The following XPA variants were observed in gnomAD, a reference collection of about 807,000 sequenced individuals.
XPA encodes DNA repair protein complementing XP-A cells.
In XPA, 27 loss-of-function variants were observed where a neutral mutation model predicts 35.7. The ratio of observed to expected loss-of-function variants is 0.76; its 90% CI spans 0.56 to 1.04. The LOEUF is 1.04. XPA is among the 50% of genes least tolerant of loss of function. The probability of loss-of-function intolerance (pLI) is 0.00; values close to 1 mark genes in which losing one functional copy is unlikely to be tolerated. For synonymous variants in XPA, 133 were observed against 118.4 expected, an observed-to-expected ratio of 1.12 and a Z score of -0.80; for missense variants, 354 against 342.7, an observed-to-expected ratio of 1.03 and a Z score of -0.26.
the XPA span, among the ~76,000 whole-genome samples, chr9:97,667,588 G>A: frequency 1.3e-5 from 2 of 152,144 alleles, no homozygotes; most frequent in Admixed American, 6.5e-5. Context: ...ACATAGAGAA[G>A]TTAAGTAACA....
chr9:97,675,351 C>CTTTTTTTTTTTT lies in XPA; in HGVS notation c.*87_*88insAAAAAAAAAAAA, dbSNP rs750807332. 1 of 1,187,440 alleles carries CTTTTTTTTTTTT rather than the reference C, an allele frequency of 8.4e-7. No homozygotes were observed. The highest frequency in any genetic ancestry group is 1.6e-5 in the African/African-American group (1 of 62,218). 73.6% of individuals were successfully genotyped at this position (1,187,440 alleles called of 1,614,324 possible). ...GTTTCATTCATCTATGAAGATGTTG[C>CTTTTTTTTTTTT]TTTTTTTTTTGAATTTTGAAAAGGA... On this transcript the variant is annotated 3_prime_UTR_variant, in exon 6 of 6. Coordinates refer to ENST00000375128, the MANE Select transcript of XPA (RefSeq NM_000380.4).
At chr9:97,680,410 T>C (rs962103661) in intron 5 of XPA, among the ~76,000 whole-genome samples, 1 of 152,178 alleles carries the variant, frequency 6.6e-6, no homozygotes, top group African/African-American at 2.4e-5. Flanking sequence ...GATTTCACCA[T>C]GTTGGCCAGG....
the XPA span, among the ~76,000 whole-genome samples, chr9:97,665,914 CAT>C: frequency 1.3e-5 from 2 of 152,090 alleles, no homozygotes; most frequent in Non-Finnish European, 2.9e-5. Context: ...TACAATAAAT[CAT>C]AAGAGAGGAA....
At chr9:97,666,905 T>C in the XPA span, 1 of 1,430,156 alleles carries the variant, frequency 7.0e-7, no homozygotes, top group Non-Finnish European at 9.6e-7. Context: ...TTGTAAGTAG[T>C]TAAAGAAAAT....
chr9:97,661,847 G>A, the XPA span, among the ~76,000 whole-genome samples: 2 of 143,666 alleles, frequency 1.4e-5, no homozygotes, highest in Non-Finnish European at 3.0e-5. Flanking sequence ...ATAAAACTAA[G>A]ACTTAAAATT....
chr9:97,689,088 A>G (rs1015978122), intron 3 of XPA, among the ~76,000 whole-genome samples: 1 of 152,186 alleles, frequency 6.6e-6, no homozygotes, highest in Non-Finnish European at 1.5e-5. Flanking sequence ...TCTCTCTATG[A>G]GGGTAGCAAA....
chr9:97,660,525 G>A, the XPA span, among the ~76,000 whole-genome samples: 4 of 152,124 alleles, frequency 2.6e-5, no homozygotes, highest in Non-Finnish European at 5.9e-5. Context: ...TCATTTCCAC[G>A]GTCCCGAGGA....
At position 97,682,715 on chromosome 9, in the gene XPA, A is replaced by G. The variant is rs150557704; in HGVS notation, c.673+2208T>C. ...TATGAAAAACTTCAGGGCAAATTCA[A>G]ACTCTTCGAAAATGAGGACAATTGA... On this transcript the variant is annotated intron_variant, in intron 5 of 5. Coordinates refer to ENST00000375128, the MANE Select transcript of XPA (RefSeq NM_000380.4). Among the ~76,000 whole-genome samples the G allele has an allele frequency of 6.6e-4, 101 of 152,306 alleles. 3 individuals are homozygous for G. The East Asian group carries it at 0.019, about 29-fold the overall frequency.
chr9:97,671,401 A>G (rs1013240715), downstream of XPA: 18 of 516,822 alleles, frequency 3.5e-5, no homozygotes, highest in Non-Finnish European at 5.5e-5. Flanking sequence ...TAATGTGACT[A>G]TGACCATGAT....
In XPA at chr9:97,690,390, T is replaced by C. The variant is rs768771504; in HGVS notation, c.284-751A>G. Among the ~76,000 whole-genome samples the C allele has an allele frequency of 7.9e-5, 12 of 151,876 alleles. No individual in the cohort carries two copies. In the South Asian group the frequency reaches 2.5e-3, roughly 32 times the overall value. Reference sequence around the variant, plus strand: ...CATGCCCGGATAATTTTTGTTTTTGTTTTGTTTTGTTTTTTGAGATGGAAT... The same window carrying C: ...CATGCCCGGATAATTTTTGTTTTTGCTTTGTTTTGTTTTTTGAGATGGAAT... On this transcript the variant is annotated intron_variant, in intron 2 of 5. Transcript: ENST00000375128.
At chr9:97,674,434 T>A (rs920697454), downstream of XPA, among the ~76,000 whole-genome samples, 11 of 152,006 alleles carry the variant, frequency 7.2e-5, no homozygotes, top group Admixed American at 2.0e-4. Context: ...GAAAAAAAAA[T>A]GGAAATGTTT....
At chr9:97,661,156 A>T in the XPA span, 1 of 1,525,528 alleles carries the variant, frequency 6.6e-7, no homozygotes, top group Non-Finnish European at 8.9e-7. Context: ...ATGCTCTTAA[A>T]GCAATATATC....
downstream of XPA, among the ~76,000 whole-genome samples, chr9:97,674,514 TTAAC>T (rs1211787675): frequency 2.6e-5 from 4 of 152,228 alleles, no homozygotes; most frequent in African/African-American, 7.2e-5. Context: ...TCAGGTTATT[TTAAC>T]TAACTGGAAT....
chr9:97,685,827 G>A (rs184422601), intron 4 of XPA, among the ~76,000 whole-genome samples: 1 of 152,290 alleles, frequency 6.6e-6, no homozygotes, highest in East Asian at 1.9e-4. Context: ...TAACAACTGT[G>A]AGTCAAAAAG....
At chr9:97,690,773 T>C (rs1168667109) in intron 2 of XPA, among the ~76,000 whole-genome samples, 2 of 152,252 alleles carry the variant, frequency 1.3e-5, no homozygotes, top group Non-Finnish European at 2.9e-5. Flanking sequence ...TCCACCTGCC[T>C]TGGCCTCCCA....
chr9:97,684,784 C>T, intron 5 of XPA, 139 bp downstream of exon 5: 1 of 779,836 alleles, frequency 1.3e-6, no homozygotes, highest in Non-Finnish European at 2.2e-6. Context: ...ATACTGAGGG[C>T]AAACTGTAAG....
chr9:97,687,891 T>C (rs576719036), intron 3 of XPA, among the ~76,000 whole-genome samples: 52 of 152,172 alleles, frequency 3.4e-4, no homozygotes, highest in African/African-American at 1.2e-3. Flanking sequence ...AGTGGAGACA[T>C]AGCCAGCGAA....
chr9:97,690,607 C>T (rs550735896), intron 2 of XPA, among the ~76,000 whole-genome samples: 1 of 152,174 alleles, frequency 6.6e-6, no homozygotes, highest in South Asian at 2.1e-4. Context: ...AGGCTGGTCT[C>T]GATCTCCTAA....
intron 4 of XPA, among the ~76,000 whole-genome samples, chr9:97,685,241 T>G (rs1201014747): frequency 6.6e-6 from 1 of 152,208 alleles, no homozygotes; most frequent in Admixed American, 6.5e-5. Context: ...TATGAAACTG[T>G]CAGTAAACGT....
Sources: gnomAD v4.1 joint callset for allele counts (sites outside exome capture counted in the v4.1 genomes callset) on GRCh38, gnomAD v4.1.1 for gene constraint, MANE v1.5 for transcripts, NCBI Gene and HGNC (gene_info 2026-07-23, HGNC 2026-07-21) for gene names.